Variants in OCRL observed in about 807,000 individuals in gnomAD.
OCRL encodes the protein OCRL inositol polyphosphate-5-phosphatase.
OCRL carries 8 observed loss-of-function variants against 78.9 expected under a neutral mutation model. The ratio of observed to expected loss-of-function variants is 0.10; its 90% confidence interval spans 0.06 to 0.18. The LOEUF (loss-of-function observed/expected upper bound fraction) is 0.18, where lower values mean the gene tolerates loss of function less well. OCRL is among the 10% of genes least tolerant of loss of function. OCRL has a pLI of 1.00. For missense variants in OCRL, 454 were observed against 696.7 expected, an observed-to-expected ratio of 0.65 and a Z score of 3.92; for synonymous variants, 240 against 235.4, an observed-to-expected ratio of 1.02 and a Z score of -0.18.
At chrX:129,569,846 T>C (rs1225217175) in intron 15 of OCRL, among the ~76,000 whole-genome samples, 3 of 98,270 alleles carry the variant, frequency 3.1e-5, no homozygotes, top group Admixed American at 1.1e-4. Context: ...TTTTCTTTTT[T>C]TTTTTTTTTT....
intron 3 of OCRL, among the ~76,000 whole-genome samples, chrX:129,547,508 G>C (rs1352353512): frequency 2.1e-4 from 19 of 88,409 alleles, no homozygotes; most frequent in African/African-American, 8.6e-4. Context: ...CTGGGTGACA[G>C]AGCAAGACTC....
chrX:129,586,905 A>G (rs367937700), intron 19 of OCRL, 97 bp from the exon 20 acceptor site: 2 of 612,204 alleles, frequency 3.3e-6, no homozygotes, highest in Non-Finnish European at 5.7e-6. Flanking sequence ...TGAAGATCAC[A>G]TTTTACCTGC....
chrX:129,590,355 G>T lies in OCRL; in HGVS notation c.*85G>T. 8.9e-7 allele frequency: 1 copy of T among 1,117,474 alleles called. No homozygotes were observed. Among genetic ancestry groups the T allele is most frequent in the African/African-American group, 1.8e-5 (1 of 56,029 alleles). The allele number at this position is 1,117,474 out of a possible 1,213,427, so 92.1% of individuals were successfully genotyped here. A position where few individuals can be genotyped will look rare whatever the true frequency, so the allele number is the denominator to read the frequency against. ...AATGATTTAAAAAGTCATGCCACAG[G>T]AAGGGTCTATTGCAGAATTTCAAGT... On this transcript the variant is annotated 3_prime_UTR_variant, in exon 24 of 24. Transcript: ENST00000371113.
At chrX:129,564,967 A>G (rs1346928990) in intron 12 of OCRL, among the ~76,000 whole-genome samples, 1 of 111,929 alleles carries the variant, frequency 8.9e-6, no homozygotes, top group Non-Finnish European at 1.9e-5. Flanking sequence ...TGTCTCAATA[A>G]TTAGGATCAT....
chrX:129,578,741 A>G (rs890837244), intron 18 of OCRL, among the ~76,000 whole-genome samples: 1 of 111,366 alleles, frequency 9.0e-6, no homozygotes, highest in African/African-American at 3.3e-5. Flanking sequence ...AGAGGAATGA[A>G]TGGCTCTTTG....
chrX:129,549,038 T>C (rs1323263351), intron 4 of OCRL, among the ~76,000 whole-genome samples: 1 of 111,553 alleles, frequency 9.0e-6, no homozygotes, highest in African/African-American at 3.3e-5. Flanking sequence ...CATAATATTT[T>C]CCTTTATTTG....
intron 14 of OCRL, among the ~76,000 whole-genome samples, chrX:129,568,459 T>C (rs780313266): frequency 8.9e-6 from 1 of 112,036 alleles, no homozygotes; most frequent in African/African-American, 3.2e-5. Context: ...GAGTCGATAT[T>C]CCTATGCTCC....
At chrX:129,557,147 C>T (rs1295408901) in intron 4 of OCRL, among the ~76,000 whole-genome samples, 178 bp from the exon 5 acceptor site, 1 of 110,981 alleles carries the variant, frequency 9.0e-6, no homozygotes, top group Non-Finnish European at 1.9e-5. Context: ...CTCTCTGCAT[C>T]ACCCCTTCCA....
chrX:129,576,736 AT>A (rs1463795130), intron 18 of OCRL, among the ~76,000 whole-genome samples, 184 bp downstream of exon 18: 1 of 111,962 alleles, frequency 8.9e-6, no homozygotes, highest in South Asian at 3.7e-4. Flanking sequence ...GGGGGGACTA[AT>A]CTGCAGTTGG....
At chrX:129,556,162 A>T (rs1393759374) in intron 4 of OCRL, among the ~76,000 whole-genome samples, 10 of 112,502 alleles carry the variant, frequency 8.9e-5, no homozygotes, top group African/African-American at 3.2e-4. Context: ...TCAGAAGTGG[A>T]TTTCCACCAT....
chrX:129,556,584 TA>T (rs1452040963), intron 4 of OCRL, among the ~76,000 whole-genome samples: 4 of 112,126 alleles, frequency 3.6e-5, no homozygotes, highest in African/African-American at 1.3e-4. Flanking sequence ...ACAGTTGATA[TA>T]GATGATAACT....
intron 2 of OCRL, among the ~76,000 whole-genome samples, chrX:129,544,543 G>A (rs778307322): frequency 1.8e-5 from 2 of 111,838 alleles, no homozygotes; most frequent in African/African-American, 6.5e-5. Context: ...CTAATTCATT[G>A]ATTCCACACA....
At chrX:129,544,880 A>G (rs1352501193) in intron 2 of OCRL, 78 bp from the exon 3 acceptor site, 1 of 602,837 alleles carries the variant, frequency 1.7e-6, no homozygotes, top group Non-Finnish European at 2.9e-6. Flanking sequence ...CTAGATTTGT[A>G]TAACAGGACA....
chrX:129,564,596 T>G (rs933771925), intron 12 of OCRL, among the ~76,000 whole-genome samples: 1 of 110,839 alleles, frequency 9.0e-6, no homozygotes, highest in Non-Finnish European at 1.9e-5. Flanking sequence ...TTGGAAATCA[T>G]CATTCACAGT....
At chrX:129,564,948 T>C (rs566602963) in intron 12 of OCRL, among the ~76,000 whole-genome samples, 6 of 111,894 alleles carry the variant, frequency 5.4e-5, no homozygotes, top group South Asian at 3.8e-4. Context: ...ATTCAACTAT[T>C]TTCCATAATG....
chrX:129,547,189 A>G (rs928941067), intron 3 of OCRL, among the ~76,000 whole-genome samples: 4 of 111,182 alleles, frequency 3.6e-5, no homozygotes, highest in Non-Finnish European at 7.5e-5. Context: ...TGATTGTGCC[A>G]CTGCATGCTA....
At chrX:129,561,330 T>C in intron 10 of OCRL, 37 bp downstream of exon 10, 1 of 826,666 alleles carries the variant, frequency 1.2e-6, no homozygotes, top group Non-Finnish European at 1.8e-6. Flanking sequence ...AGTGTATGAC[T>C]AAATAGGGCT....
intron 3 of OCRL, among the ~76,000 whole-genome samples, chrX:129,547,538 A>AAAAAAG (rs1569457206): frequency 9.2e-6 from 1 of 109,272 alleles, no homozygotes; most frequent in African/African-American, 3.3e-5. Context: ...AAAAAAAAAA[A>AAAAAAG]AAAAAGAAAA....
At chrX:129,560,474 G>A (rs1225210712) in intron 8 of OCRL, 76 bp from the exon 9 acceptor site, 1 of 627,512 alleles carries the variant, frequency 1.6e-6, no homozygotes, top group Non-Finnish European at 2.7e-6. Context: ...CCTTTGTATG[G>A]AAGCGAAAAG....
Sources: gnomAD v4.1 joint callset for allele counts (sites outside exome capture counted in the v4.1 genomes callset) on GRCh38, gnomAD v4.1.1 for gene constraint, MANE v1.5 for transcripts, NCBI Gene and HGNC (gene_info 2026-07-23, HGNC 2026-07-21) for gene names.